Variants in TGM3 observed in about 807,000 individuals in gnomAD.
The protein encoded by TGM3 is transglutaminase 3.
Under a neutral mutation model 73.8 loss-of-function variants are expected in TGM3, and 52 were observed. The ratio of observed to expected loss-of-function variants is 0.70; its 90% CI spans 0.56 to 0.89. The LOEUF is 0.89. TGM3 is among the 40% of genes least tolerant of loss of function. The pLI, the probability that TGM3 is intolerant of heterozygous loss-of-function variation, is 0.00. For synonymous variants in TGM3, 372 were observed against 354.9 expected, an observed-to-expected ratio of 1.05 and a Z score of -0.54; for missense variants, 928 against 909.9, an observed-to-expected ratio of 1.02 and a Z score of -0.26.
intron 9 of TGM3, 93 bp from the exon 10 acceptor site, chr20:2,331,909 C>T: frequency 7.0e-7 from 1 of 1,432,756 alleles, no homozygotes; most frequent in East Asian, 2.3e-5. Flanking sequence ...GGAGCCAGCA[C>T]CAGTCCTAGG....
chr20:2,332,087 T>C lies in TGM3; in HGVS notation c.1419T>C (p.Gly473=). Residue 473 remains glycine, a synonymous_variant, in exon 10 of 13, where the codon GGT becomes GGC. Coordinates refer to ENST00000381458, the MANE Select transcript of TGM3 (RefSeq NM_003245.4). The surrounding 1 kb of genome is among the most constrained non-coding windows in gnomAD (Gnocchi z 4.4). ...NTPFAATSSM[G]LETEEQEPSI... The stretch of plus-strand genomic sequence containing the variant: ...CATTTGCCGCGACGTCTTCAATGGG[T>C]TTGGAAACAGAGGAACAGGAGCCCA... The C allele has an allele frequency of 6.2e-7, 1 of 1,614,024 alleles. No homozygotes were observed. Among genetic ancestry groups the C allele is most frequent in the Non-Finnish European group, 8.5e-7 (1 of 1,179,994 alleles).
intron 8 of TGM3, 187 bp downstream of exon 8, chr20:2,326,139 G>T: frequency 1.6e-6 from 1 of 631,346 alleles, no homozygotes. Flanking sequence ...TTAAATGAGT[G>T]CCTGCCCTGC....
intron 9 of TGM3, among the ~76,000 whole-genome samples, chr20:2,330,286 T>C (rs971168043): frequency 1.3e-5 from 2 of 152,188 alleles, no homozygotes; most frequent in Admixed American, 6.5e-5. Context: ...GCAGGTGACC[T>C]ATATAGGCAT....
At chr20:2,329,452 G>T (rs1439274150) in intron 9 of TGM3, among the ~76,000 whole-genome samples, 1 of 152,150 alleles carries the variant, frequency 6.6e-6, no homozygotes, top group Non-Finnish European at 1.5e-5. Context: ...GTCTTCCTCT[G>T]CAGGTCATTC....
Position 2,319,698 on chromosome 20 carries a change from T to G in TGM3, c.983+2213T>G, listed in dbSNP as rs570727819. Among the ~76,000 whole-genome samples the G allele has an allele frequency of 3.5e-4, 53 of 152,228 alleles. 2 individuals carry two copies. The highest frequency in any genetic ancestry group is 1.9e-3 in the South Asian group (9 of 4,824). On this transcript the variant is annotated intron_variant, in intron 7 of 12. Transcript: ENST00000381458. ...CTGTTCCTGAGGATCTTGTCACCCC[T>G]CCCTTCCTCTCCCCTTTTCTGAACC...
intron 7 of TGM3, among the ~76,000 whole-genome samples, chr20:2,318,503 T>C (rs11904909): frequency 3.5e-4 from 54 of 152,322 alleles, no homozygotes; most frequent in African/African-American, 1.3e-3. Flanking sequence ...AAAATAGACA[T>C]TGTTACAACT....
At chr20:2,323,275 A>G (rs562255056) in intron 7 of TGM3, among the ~76,000 whole-genome samples, 10 of 152,252 alleles carry the variant, frequency 6.6e-5, no homozygotes, top group Admixed American at 3.3e-4. Flanking sequence ...TTGCATTCTC[A>G]TAGCTTAGCC....
At chr20:2,302,581 T>C (rs2084154327) in intron 1 of TGM3, among the ~76,000 whole-genome samples, 1 of 152,056 alleles carries the variant, frequency 6.6e-6, no homozygotes, top group Non-Finnish European at 1.5e-5. Flanking sequence ...CTAGGGTACG[T>C]ATGGCCCTGC....
At chr20:2,304,831 C>A (rs1447822744) in intron 1 of TGM3, among the ~76,000 whole-genome samples, 1 of 152,212 alleles carries the variant, frequency 6.6e-6, no homozygotes, top group African/African-American at 2.4e-5. Flanking sequence ...ACTGCCCCCA[C>A]TTCAGATGCC....
At chr20:2,329,583 G>A (rs1325934247) in intron 9 of TGM3, among the ~76,000 whole-genome samples, 2 of 152,102 alleles carry the variant, frequency 1.3e-5, no homozygotes, top group African/African-American at 4.8e-5. Context: ...ATGGGCTGGA[G>A]GTGTGGGGAT....
chr20:2,308,684 C>T (rs542089329), intron 1 of TGM3, among the ~76,000 whole-genome samples: 50 of 152,296 alleles, frequency 3.3e-4, no homozygotes, highest in African/African-American at 2.4e-4. Flanking sequence ...TCAGAGTCTC[C>T]GCCAGCCTCC....
In TGM3 at chr20:2,310,226, C is replaced by G. The variant is rs1034568454; in HGVS notation, c.230C>G (p.Ser77Cys). 6.2e-7 allele frequency: 1 copy of G among 1,614,230 alleles called. No individual in the cohort carries two copies. Among genetic ancestry groups the G allele is most frequent in the South Asian group, 1.1e-5 (1 of 91,086 alleles). ...SAMTKAVFPL[S>C]NGSSGGWSAV... ...ATGACGAAGGCTGTGTTTCCACTCT[C>G]CAATGGCAGTAGTGGTGGCTGGAGT... The change falls in exon 3 of 13, where the codon TCC becomes TGC. Residue 77 changes from serine to cysteine, a missense_variant. Physicochemically the swap from Ser to Cys is moderately radical, Grantham distance 112. Coordinates refer to ENST00000381458, the MANE Select transcript of TGM3 (RefSeq NM_003245.4).
intron 10 of TGM3, among the ~76,000 whole-genome samples, chr20:2,333,745 T>TAA (rs72160178): frequency 2.6e-5 from 4 of 151,196 alleles, no homozygotes; most frequent in East Asian, 1.9e-4. Flanking sequence ...TGGAAATAGT[T>TAA]AAAAAAAAAC....
chr20:2,304,648 T>A (rs2122212017), intron 1 of TGM3, among the ~76,000 whole-genome samples: 1 of 152,288 alleles, frequency 6.6e-6, no homozygotes, highest in African/African-American at 2.4e-5. Flanking sequence ...CACCATTTTT[T>A]CTTCCAGACT....
intron 1 of TGM3, among the ~76,000 whole-genome samples, chr20:2,299,051 C>A (rs2084127585): frequency 6.6e-6 from 1 of 152,140 alleles, no homozygotes; most frequent in African/African-American, 2.4e-5. Context: ...TACAGGATAG[C>A]TGATGGGTTA....
intron 2 of TGM3, 94 bp from the exon 3 acceptor site, chr20:2,310,084 T>A: frequency 6.4e-7 from 1 of 1,553,166 alleles, no homozygotes; most frequent in Non-Finnish European, 8.7e-7. Flanking sequence ...CTTCATTGGC[T>A]CATGTCCCCC....
Position 2,332,322 on chromosome 20 carries a change from C to G in TGM3, c.1642+12C>G. 6.4e-7 allele frequency: 1 copy of G among 1,566,218 alleles called. No individual in the cohort carries two copies. The highest frequency in any genetic ancestry group is 8.7e-7 in the Non-Finnish European group (1 of 1,154,984). On this transcript the variant is annotated intron_variant, in intron 10 of 12. Coordinates refer to ENST00000381458, the MANE Select transcript of TGM3 (RefSeq NM_003245.4). This position sits in a 1 kb window ranked among gnomAD's most constrained non-coding sequence, Gnocchi z 4.4. ...GGACCCTGAGGAAGGTAACGCATCC[C>G]GCAGTTGGAGGAGATCCACGAATCC...
chr20:2,311,912 A>G (rs977135389), intron 4 of TGM3, among the ~76,000 whole-genome samples: 4 of 152,180 alleles, frequency 2.6e-5, no homozygotes, highest in Non-Finnish European at 5.9e-5. Context: ...CCAGACAGAG[A>G]TCTTGGGAAA....
chr20:2,312,421 AG>A (rs1555794460), intron 4 of TGM3, among the ~76,000 whole-genome samples: 4 of 143,210 alleles, frequency 2.8e-5, no homozygotes, highest in Non-Finnish European at 4.5e-5. Flanking sequence ...AAAAAAAAAA[AG>A]GATGGGAGGC....
Sources: gnomAD v4.1 joint callset for allele counts (sites outside exome capture counted in the v4.1 genomes callset) on GRCh38, gnomAD v4.1.1 for gene constraint, Gnocchi (gnomAD v3.1) non-coding constraint, MANE v1.5 for transcripts, NCBI Gene and HGNC (gene_info 2026-07-23, HGNC 2026-07-21) for gene names.